Variants in EPB41L2 observed in about 807,000 individuals in gnomAD.
EPB41L2 encodes the protein band 4.1-like protein 2.
Under a neutral mutation model 113.0 loss-of-function variants are expected in EPB41L2, and 43 were observed. The ratio of observed to expected loss-of-function variants is 0.38; its 90% CI spans 0.30 to 0.49. The LOEUF is 0.49. EPB41L2 is among the 20% of genes least tolerant of loss of function. EPB41L2 has a pLI of 0.95. For synonymous variants in EPB41L2, 442 were observed against 436.7 expected, an observed-to-expected ratio of 1.01 and a Z score of -0.15; for missense variants, 1,147 against 1,223.4, an observed-to-expected ratio of 0.94 and a Z score of 0.93.
intron 1 of EPB41L2, among the ~76,000 whole-genome samples, chr6:130,982,842 T>A (rs140608652): frequency 5.9e-5 from 9 of 152,300 alleles, no homozygotes; most frequent in Admixed American, 4.6e-4. Context: ...AAAATGAGGC[T>A]CGGAGAAATT....
chr6:130,931,795 A>AAAG (rs1451604003), intron 3 of EPB41L2, among the ~76,000 whole-genome samples: 2 of 152,174 alleles, frequency 1.3e-5, no homozygotes, highest in Non-Finnish European at 2.9e-5. Flanking sequence ...CTTTCCCCCG[A>AAAG]GATTCTGGTA....
chr6:131,043,665 T>C (rs1268325644), intron 1 of EPB41L2, among the ~76,000 whole-genome samples: 6 of 152,190 alleles, frequency 3.9e-5, no homozygotes, highest in African/African-American at 4.8e-5. Context: ...TGTACCTAAC[T>C]TGGATCCTGA....
chr6:130,957,916 A>G (rs935825676), intron 1 of EPB41L2, among the ~76,000 whole-genome samples: 3 of 152,142 alleles, frequency 2.0e-5, no homozygotes, highest in Non-Finnish European at 4.4e-5. Flanking sequence ...ATCCAAAACC[A>G]CTGGATTGTA....
chr6:130,850,131 G>A (rs551047756), intron 19 of EPB41L2, among the ~76,000 whole-genome samples: 14 of 152,164 alleles, frequency 9.2e-5, no homozygotes, highest in African/African-American at 2.2e-4. Context: ...CCAGCTACTC[G>A]GGAGGCTGAG....
chr6:130,870,990 C>T (rs9285468), intron 14 of EPB41L2, among the ~76,000 whole-genome samples: 117,250 of 152,104 alleles, frequency 0.77, 45,763 homozygotes, highest in East Asian at 1. Flanking sequence ...CCAAGTGTTT[C>T]CTTTTACAAT....
chr6:130,896,666 T>C (rs1794764296), intron 8 of EPB41L2, among the ~76,000 whole-genome samples: 1 of 152,228 alleles, frequency 6.6e-6, no homozygotes, highest in African/African-American at 2.4e-5. Context: ...TACCAGTATT[T>C]GTGTGAATAG....
chr6:130,933,321 C>T (rs527821933), intron 3 of EPB41L2, among the ~76,000 whole-genome samples: 3 of 152,242 alleles, frequency 2.0e-5, no homozygotes, highest in South Asian at 2.1e-4. Flanking sequence ...ACAATAAAAA[C>T]CATGCAACTG....
chr6:130,930,468 T>C (rs758146069), intron 3 of EPB41L2, among the ~76,000 whole-genome samples: 2 of 151,976 alleles, frequency 1.3e-5, no homozygotes, highest in African/African-American at 2.4e-5. Context: ...TGCTCAAGTA[T>C]TACAAAATCT....
chr6:130,847,276 G>C (rs1777332757), intron 19 of EPB41L2, among the ~76,000 whole-genome samples: 1 of 152,146 alleles, frequency 6.6e-6, no homozygotes, highest in Admixed American at 6.6e-5. Context: ...GCTTTGTCTT[G>C]TTTGGCCAAT....
intron 5 of EPB41L2, among the ~76,000 whole-genome samples, chr6:130,906,050 G>A (rs1374323250): frequency 6.6e-6 from 1 of 152,170 alleles, no homozygotes; most frequent in African/African-American, 2.4e-5. Flanking sequence ...CAAGATATAT[G>A]AGGTTTCTTG....
At chr6:130,858,579 T>C (rs1343548701) in intron 18 of EPB41L2, among the ~76,000 whole-genome samples, 2 of 146,600 alleles carry the variant, frequency 1.4e-5, no homozygotes, top group African/African-American at 2.4e-5. Flanking sequence ...CTGAGACTAA[T>C]GCAGAGTTGT....
intron 14 of EPB41L2, among the ~76,000 whole-genome samples, chr6:130,875,272 T>C (rs1218135527): frequency 1.3e-5 from 2 of 152,302 alleles, no homozygotes; most frequent in East Asian, 3.9e-4. Flanking sequence ...ACAGCCCCTA[T>C]AATCTATTCC....
chr6:130,939,068 T>C (rs909281200), intron 3 of EPB41L2, among the ~76,000 whole-genome samples: 4 of 151,756 alleles, frequency 2.6e-5, no homozygotes, highest in Admixed American at 6.6e-5. Context: ...AACACAGGAA[T>C]GAAATCTTTC....
In EPB41L2 at chr6:131,015,564, T is replaced by G. The variant is rs530663507; in HGVS notation, c.-15+47591A>C. ...AAGATTTACTTCAAATCAAACTAAA[T>G]GAGCAATTAAGGAATCTCTTTACTA... is the stretch of plus-strand genomic sequence containing the variant. On this transcript the variant is annotated intron_variant, in intron 1 of 19. Coordinates refer to ENST00000337057, the MANE Select transcript of EPB41L2 (RefSeq NM_001431.4). Among the ~76,000 whole-genome samples, 29 of 152,290 alleles carry G rather than the reference T, an allele frequency of 1.9e-4. 1 individual carries two copies. Among genetic ancestry groups the G allele is most frequent in the African/African-American group, 7.0e-4 (29 of 41,566 alleles).
chr6:130,865,302 T>C (rs571136389), intron 17 of EPB41L2, among the ~76,000 whole-genome samples: 8 of 152,374 alleles, frequency 5.3e-5, no homozygotes, highest in African/African-American at 1.9e-4. Context: ...CTATCTTACA[T>C]ATAGCTATTC....
intron 3 of EPB41L2, among the ~76,000 whole-genome samples, chr6:130,933,935 AT>A (rs1430002675): frequency 6.6e-6 from 1 of 152,110 alleles, no homozygotes; most frequent in Non-Finnish European, 1.5e-5. Context: ...CACTGCAGTT[AT>A]TGTGTGCTGA....
At chr6:130,909,135 A>C (rs1339570888) in intron 4 of EPB41L2, among the ~76,000 whole-genome samples, 1 of 152,220 alleles carries the variant, frequency 6.6e-6, no homozygotes, top group Non-Finnish European at 1.5e-5. Context: ...AAAATGGTCC[A>C]AATGATGAGA....
At chr6:130,980,574 G>T (rs1411379991) in intron 1 of EPB41L2, among the ~76,000 whole-genome samples, 1 of 152,052 alleles carries the variant, frequency 6.6e-6, no homozygotes, top group Non-Finnish European at 1.5e-5. Flanking sequence ...GGAGGGGCAG[G>T]GGTGGGGTGG....
chr6:131,001,307 A>AAC (rs1784323984), intron 1 of EPB41L2, among the ~76,000 whole-genome samples: 1 of 146,856 alleles, frequency 6.8e-6, no homozygotes, highest in African/African-American at 2.5e-5. Context: ...GAGAGAGAGC[A>AAC]AGAGAGAGGG....
Sources: gnomAD v4.1 joint callset for allele counts (sites outside exome capture counted in the v4.1 genomes callset) on GRCh38, gnomAD v4.1.1 for gene constraint, MANE v1.5 for transcripts, NCBI Gene and HGNC (gene_info 2026-07-23, HGNC 2026-07-21) for gene names.